ADAM11: variants seen among roughly 807,000 people sequenced by gnomAD.
The protein encoded by ADAM11 is disintegrin and metalloproteinase domain-containing protein 11.
A neutral mutation model predicts 119.1 loss-of-function variants in ADAM11; 49 were observed. That is an observed-to-expected ratio of 0.41 (90% CI 0.33 to 0.52). The LOEUF (loss-of-function observed/expected upper bound fraction) is 0.52. Ranked by LOEUF, ADAM11 falls within the 20% of genes least tolerant of loss-of-function variation. The pLI is 0.20. For synonymous variants in ADAM11, 364 were observed against 408.0 expected, an observed-to-expected ratio of 0.89 and a Z score of 1.30; for missense variants, 777 against 1,047.5, an observed-to-expected ratio of 0.74 and a Z score of 3.56.
At chr17:44,769,899 A>G in intron 3 of ADAM11, 83 bp from the exon 4 acceptor site, 1 of 1,605,604 alleles carries the variant, frequency 6.2e-7, no homozygotes, top group South Asian at 1.1e-5. Flanking sequence ...GGCAGAGGGG[A>G]CCTGGGTCCT....
In ADAM11 at chr17:44,779,918, C is replaced by G. The variant is rs1342829255; in HGVS notation, c.*164C>G. ...TTTGGGTGGGGGCTGTGGCCCTGCC[C>G]TTGGCACCACCAGGGTGGACCAGGC... On this transcript the variant is annotated 3_prime_UTR_variant, in exon 27 of 27. Transcript: ENST00000200557. The G allele has an allele frequency of 9.8e-7, 1 of 1,018,990 alleles. No homozygotes were observed. The highest frequency in any genetic ancestry group is 1.6e-5 in the African/African-American group (1 of 63,104). 63.1% of individuals were successfully genotyped at this position (1,018,990 alleles called of 1,614,324 possible).
chr17:44,765,208 G>A (rs1487045273), intron 2 of ADAM11, among the ~76,000 whole-genome samples: 1 of 148,826 alleles, frequency 6.7e-6, no homozygotes. Flanking sequence ...TGGGTGGGGG[G>A]AGCTGGCAGG....
chr17:44,769,742 T>G lies in ADAM11; in HGVS notation c.262T>G (p.Phe88Val). The G allele has an allele frequency of 6.2e-7, 1 of 1,613,826 alleles. No individual in the cohort carries two copies. Among genetic ancestry groups the G allele is most frequent in the Non-Finnish European group, 8.5e-7 (1 of 1,179,758 alleles). The change falls in exon 3 of 27, where the codon TTC (phenylalanine) becomes GTC (valine). Residue 88 changes from phenylalanine (F) to valine (V), a missense_variant. Phe to Val is a conservative substitution (Grantham distance 50, BLOSUM62 -1). This residue lies in a region of ADAM11 where 278 missense variants were observed against 310.1 expected (regional missense o/e 0.90). Transcript: ENST00000200557. ...GCCTGTCCATCTGGCCCAGGTGAGTTTCGTCATCCCAGCCTTCAACTCAAA... is the reference window on the plus strand; with the variant it reads ...GCCTGTCCATCTGGCCCAGGTGAGTGTCGTCATCCCAGCCTTCAACTCAAA... ...GPPVHLAQVS[F>V]VIPAFNSNFT...
intron 2 of ADAM11, among the ~76,000 whole-genome samples, chr17:44,762,499 C>T (rs773986999): frequency 6.6e-6 from 1 of 152,178 alleles, no homozygotes; most frequent in African/African-American, 2.4e-5. Context: ...AGAAGTACCC[C>T]AGCTGGGCAT....
At chr17:44,766,198 G>A (rs2049448253) in intron 2 of ADAM11, among the ~76,000 whole-genome samples, 1 of 152,196 alleles carries the variant, frequency 6.6e-6, no homozygotes, top group African/African-American at 2.4e-5. Flanking sequence ...GGGTGGGGAG[G>A]AGAGGGAGGT....
In ADAM11 at chr17:44,777,910, A is replaced by G; in HGVS notation, c.2071-42A>G. 6.2e-7 allele frequency: 1 copy of G among 1,613,700 alleles called. No individual in the cohort carries two copies. Among genetic ancestry groups the G allele is most frequent in the Non-Finnish European group, 8.5e-7 (1 of 1,179,902 alleles). On this transcript the variant is annotated intron_variant, in intron 23 of 26. Transcript: ENST00000200557. The surrounding 1 kb of genome is among the most constrained non-coding windows in gnomAD (Gnocchi z 5.1). The stretch of plus-strand genomic sequence containing the variant: ...TGGCGGGAGAAGCTTACAAGAGGGG[A>G]CAGGCCCCTGCTCACCTCTCCTGGC...
chr17:44,763,982 G>A (rs2049418600), intron 2 of ADAM11, among the ~76,000 whole-genome samples: 2 of 152,216 alleles, frequency 1.3e-5, no homozygotes, highest in South Asian at 4.1e-4. Flanking sequence ...CTCCCAAAGT[G>A]CTGGAATTAC....
At chr17:44,761,956 G>A (rs566236465) in intron 2 of ADAM11, among the ~76,000 whole-genome samples, 239 of 151,848 alleles carry the variant, frequency 1.6e-3, no homozygotes, top group African/African-American at 5.6e-3. Flanking sequence ...CCGAGTAGCT[G>A]GGATTACAGA....
At chr17:44,759,529 T>C (rs2049363197) in intron 1 of ADAM11, 193 bp from the exon 2 acceptor site, 7 of 1,244,322 alleles carry the variant, frequency 5.6e-6, no homozygotes, top group East Asian at 3.1e-5. Context: ...GTCGTGACGG[T>C]TGGGCGGGAG....
chr17:44,759,719 CAGGTCTTGGGACCCA>C lies in ADAM11; in HGVS notation c.65_79del (p.Leu22_Gly26del). 1 of 1,320,562 alleles carries C rather than the reference CAGGTCTTGGGACCCA, an allele frequency of 7.6e-7. No homozygotes were observed. Among genetic ancestry groups the C allele is most frequent in the Non-Finnish European group, 9.7e-7 (1 of 1,026,914 alleles). The allele number at this position is 1,320,562 out of a possible 1,614,324, so 81.8% of individuals were successfully genotyped here. On this transcript the variant is annotated splice_acceptor_variant and coding_sequence_variant, in exon 2 of 27. Transcript: ENST00000200557. LOFTEE classifies it high-confidence loss of function. ...GCCTGCAGCCATGGCCTTGTTTCCC[CAGGTCTTGGGACCCA>C]AGGTCCTGCTGGAGCTCTGCGATGG...
chr17:44,770,191 C>A, intron 4 of ADAM11, 143 bp downstream of exon 4: 2 of 1,024,928 alleles, frequency 2.0e-6, no homozygotes, highest in South Asian at 1.5e-5. Context: ...TCTCTCCCGA[C>A]CCAGGAGGCT....
rs2049530514 is a variant in ADAM11 at position 44,772,053 on chromosome 17, G to A, written c.544-214G>A. ...TCTGTCCCATAAGTGACCTCCCATTGGGCTCCAATGTCCTTTGCCCCTGTC... is the reference window on the plus strand; with the variant it reads ...TCTGTCCCATAAGTGACCTCCCATTAGGCTCCAATGTCCTTTGCCCCTGTC... On this transcript the variant is annotated intron_variant, in intron 6 of 26. Transcript: ENST00000200557. This position sits in a 1 kb window ranked among gnomAD's most constrained non-coding sequence, Gnocchi z 4.5. Among the ~76,000 whole-genome samples the A allele has an allele frequency of 6.6e-6, 1 of 151,926 alleles. No individual in the cohort carries two copies.
intron 2 of ADAM11, among the ~76,000 whole-genome samples, chr17:44,763,960 A>T (rs1247639654): frequency 6.6e-6 from 1 of 151,880 alleles, no homozygotes; most frequent in Non-Finnish European, 1.5e-5. Flanking sequence ...CAAGTGATCC[A>T]CCCGCCTTGG....
chr17:44,777,026 G>C lies in ADAM11; in HGVS notation c.1681+64G>C. 3 of 1,575,240 alleles carry C rather than the reference G, an allele frequency of 1.9e-6. No individual in the cohort carries two copies. The highest frequency in any genetic ancestry group is 2.6e-6 in the Non-Finnish European group (3 of 1,154,324). Reference sequence around the variant, plus strand: ...ACCCAGAGCTGAGAAGCTGGGGAGAGTGGGTTCCAGCTGAACAGGCCCCCA... The same window carrying C: ...ACCCAGAGCTGAGAAGCTGGGGAGACTGGGTTCCAGCTGAACAGGCCCCCA... On this transcript the variant is annotated intron_variant, in intron 20 of 26. Coordinates refer to ENST00000200557, the MANE Select transcript of ADAM11 (RefSeq NM_002390.6). This position sits in a 1 kb window ranked among gnomAD's most constrained non-coding sequence, Gnocchi z 5.1.
In ADAM11 at chr17:44,781,348, C is replaced by T. The variant is rs1296979564; in HGVS notation, c.*1594C>T. On this transcript the variant is annotated 3_prime_UTR_variant, in exon 27 of 27. Transcript: ENST00000200557. ...GCAGTGGGGTCCACACACTGAGCTC[C>T]AGCTGGCACTGCCCACTCAAGGGCT... 2 of 152,250 alleles carry T rather than the reference C, an allele frequency of 1.3e-5. No individual in the cohort carries two copies. Among genetic ancestry groups the T allele is most frequent in the African/African-American group, 4.8e-5 (2 of 41,456 alleles). The allele number at this position is 152,250 out of a possible 1,614,324, so 9.4% of individuals were successfully genotyped here. A position where few individuals can be genotyped will look rare whatever the true frequency, so the allele number is the denominator to read the frequency against.
Position 44,772,767 on chromosome 17 carries a change from C to G in ADAM11, c.679-90C>G. ...ACTGTCCCTGGCTGGAGTCCAGACCCCCCCATCCCCACCGAGTCTGTTCCT... is the reference window on the plus strand; with the variant it reads ...ACTGTCCCTGGCTGGAGTCCAGACCGCCCCATCCCCACCGAGTCTGTTCCT... On this transcript the variant is annotated intron_variant, in intron 8 of 26. Coordinates refer to ENST00000200557, the MANE Select transcript of ADAM11 (RefSeq NM_002390.6). The surrounding 1 kb of genome is among the most constrained non-coding windows in gnomAD (Gnocchi z 4.5). 2 of 1,198,910 alleles carry G rather than the reference C, an allele frequency of 1.7e-6. No homozygotes were observed. The highest frequency in any genetic ancestry group is 2.4e-6 in the Non-Finnish European group (2 of 823,500). The allele number at this position is 1,198,910 out of a possible 1,614,324, so 74.3% of individuals were successfully genotyped here. A position where few individuals can be genotyped will look rare whatever the true frequency, so the allele number is the denominator to read the frequency against.
rs575543165 is a variant in ADAM11 at position 44,778,228 on chromosome 17, G to A, written c.2262G>A (p.Thr754=). 68 of 1,612,994 alleles carry A rather than the reference G, an allele frequency of 4.2e-5. No homozygotes were observed. In the South Asian group the frequency reaches 4.7e-4, roughly 11 times the overall value. ...TTGCAGCCATCGTCCTGGGCGGCAC[G>A]GGCTGGGGATTTAAGTAAGAGACAC... ...VLVAAIVLGG[T]GWGFKNIRRG... is the part of the protein sequence containing the mutation. Residue 754 remains threonine, a synonymous_variant, in exon 25 of 27, where the codon ACG becomes ACA. Coordinates refer to ENST00000200557, the MANE Select transcript of ADAM11 (RefSeq NM_002390.6).
Position 44,773,240 on chromosome 17 carries a change from GC to G in ADAM11, c.826-16del, listed in dbSNP as rs750464001. The G allele has an allele frequency of 6.2e-7, 1 of 1,603,476 alleles. No homozygotes were observed. Among genetic ancestry groups the G allele is most frequent in the Non-Finnish European group, 8.5e-7 (1 of 1,174,012 alleles). ...CCCCAACACCCACTCCCACCCTCCA[GC>G]CCCCTCATCTTCTCCCCAGATATAC... On this transcript the variant is annotated intron_variant, in intron 10 of 26. Transcript: ENST00000200557. The surrounding 1 kb of genome is among the most constrained non-coding windows in gnomAD (Gnocchi z 4.6).
At position 44,776,808 on chromosome 17, in the gene ADAM11, C is replaced by A. The variant is rs181911941; in HGVS notation, c.1617+13C>A. The stretch of plus-strand genomic sequence containing the variant: ...TGACCATGAGCAGGTATGATGGCTG[C>A]CCCCTGAGCCTGGGATTCAGGGCAG... On this transcript the variant is annotated intron_variant, in intron 19 of 26. Coordinates refer to ENST00000200557, the MANE Select transcript of ADAM11 (RefSeq NM_002390.6). This position sits in a 1 kb window ranked among gnomAD's most constrained non-coding sequence, Gnocchi z 5.2. 6.2e-6 allele frequency: 10 copies of A among 1,614,112 alleles called. No individual in the cohort carries two copies. The South Asian group carries it at 1.1e-4, about 18-fold the overall frequency.
Sources: allele counts gnomAD v4.1 joint callset (sites outside exome capture counted in the v4.1 genomes callset), GRCh38; gene constraint gnomAD v4.1.1; regional missense constraint gnomAD v4.1.1; non-coding constraint Gnocchi (gnomAD v3.1); transcripts MANE v1.5; gene names NCBI Gene and HGNC (gene_info 2026-07-23, HGNC 2026-07-21).